The following SIPA1L1 variants were observed in gnomAD, a reference collection of about 807,000 sequenced individuals.
SIPA1L1 encodes signal induced proliferation associated 1 like 1.
A neutral mutation model predicts 162.7 loss-of-function variants in SIPA1L1; 26 were observed. The ratio of observed to expected loss-of-function variants is 0.16; its 90% CI spans 0.12 to 0.22. The LOEUF (loss-of-function observed/expected upper bound fraction) is 0.22. Among genes scored for constraint, SIPA1L1 ranks in the 10% least tolerant of loss-of-function variants. SIPA1L1 has a pLI of 1.00. For missense variants in SIPA1L1, 1,874 were observed against 2,241.0 expected (o/e 0.84, Z 3.31); for synonymous variants, 829 against 837.4 (o/e 0.99, Z 0.17).
At chr14:71,329,935 A>G (rs1363413020) in intron 2 of SIPA1L1, among the ~76,000 whole-genome samples, 1 of 152,186 alleles carries the variant, frequency 6.6e-6, no homozygotes, top group African/African-American at 2.4e-5. Context: ...GAGTCTCCAA[A>G]GTGTATGCAA....
At chr14:71,582,505 T>C (rs943182309) in intron 4 of SIPA1L1, among the ~76,000 whole-genome samples, 2 of 152,198 alleles carry the variant, frequency 1.3e-5, no homozygotes, top group African/African-American at 4.8e-5. Flanking sequence ...CTTTCTTCAC[T>C]GAACTTTTTT....
intron 2 of SIPA1L1, among the ~76,000 whole-genome samples, chr14:71,420,826 G>A (rs764600793): frequency 6.6e-6 from 1 of 152,000 alleles, no homozygotes; most frequent in African/African-American, 2.4e-5. Flanking sequence ...TAAAAAAATA[G>A]CAGCAATGTC....
At chr14:71,638,399 T>C (rs1596561407) in intron 7 of SIPA1L1, among the ~76,000 whole-genome samples, 1 of 152,274 alleles carries the variant, frequency 6.6e-6, no homozygotes, top group African/African-American at 2.4e-5. Context: ...AAAAATCAAT[T>C]AATGTAGCCC....
intron 20 of SIPA1L1, 37 bp from the exon 21 acceptor site, chr14:71,733,629 G>A (rs745749243): frequency 1.0e-5 from 16 of 1,604,412 alleles, no homozygotes; most frequent in Middle Eastern, 3.3e-4. Flanking sequence ...TCTTCCACAG[G>A]CACAAGAAGC....
At chr14:71,629,061 C>T (rs532159912) in intron 7 of SIPA1L1, among the ~76,000 whole-genome samples, 1 of 152,130 alleles carries the variant, frequency 6.6e-6, no homozygotes, top group Admixed American at 6.5e-5. Flanking sequence ...CCTCAGCCTC[C>T]CAAGTAGCTG....
intron 5 of SIPA1L1, among the ~76,000 whole-genome samples, chr14:71,594,627 G>C (rs573265379): frequency 2.0e-5 from 3 of 152,102 alleles, no homozygotes; most frequent in African/African-American, 7.2e-5. Flanking sequence ...TGTGTTCTAC[G>C]CTGTTGAATT....
chr14:71,485,942 C>T (rs1009699437), intron 2 of SIPA1L1, among the ~76,000 whole-genome samples: 2 of 152,154 alleles, frequency 1.3e-5, no homozygotes, highest in Non-Finnish European at 2.9e-5. Flanking sequence ...TGCCTATACA[C>T]CCTCTCTCCA....
At chr14:71,476,087 C>A (rs763856108) in intron 2 of SIPA1L1, among the ~76,000 whole-genome samples, 58 of 152,188 alleles carry the variant, frequency 3.8e-4, no homozygotes, top group Non-Finnish European at 7.6e-4. Flanking sequence ...TGACACAGTG[C>A]AGATGCTCCT....
At chr14:71,737,395 G>GT (rs2085398935) in intron 22 of SIPA1L1, among the ~76,000 whole-genome samples, 1 of 152,166 alleles carries the variant, frequency 6.6e-6, no homozygotes, top group South Asian at 2.1e-4. Flanking sequence ...GTTCTCTGTG[G>GT]TGTGCCCCTG....
chr14:71,591,554 A>G (rs1215339782), intron 5 of SIPA1L1, among the ~76,000 whole-genome samples: 2 of 152,204 alleles, frequency 1.3e-5, no homozygotes, highest in Non-Finnish European at 1.5e-5. Context: ...AACTTGAAGC[A>G]TGGAAAATAC....
chr14:71,739,038 C>T lies in SIPA1L1; in HGVS notation c.5229C>T (p.His1743=). 6.2e-7 allele frequency: 1 copy of T among 1,613,702 alleles called. No individual in the cohort carries two copies. Among genetic ancestry groups the T allele is most frequent in the Non-Finnish European group, 8.5e-7 (1 of 1,179,760 alleles). The change falls in exon 24 of 24, where the codon CAC becomes CAT. Residue 1743 remains histidine, a synonymous_variant. Transcript: ENST00000381232. ...CCCAGGAAAAAGAAGACAAAGCTCA[C>T]CTTCAGGCGGAGGTGCAGCACCTGC... ...DLKKEKEDKA[H]LQAEVQHLRE...
chr14:71,339,738 G>A (rs1415163642), intron 2 of SIPA1L1, among the ~76,000 whole-genome samples: 2 of 152,188 alleles, frequency 1.3e-5, no homozygotes, highest in African/African-American at 4.8e-5. Context: ...TTCATGGCAG[G>A]TTCTGGCTTT....
At chr14:71,457,617 G>A (rs1222377366) in intron 2 of SIPA1L1, among the ~76,000 whole-genome samples, 1 of 144,992 alleles carries the variant, frequency 6.9e-6, no homozygotes, top group Non-Finnish European at 1.5e-5. Context: ...TTTTTAGACG[G>A]AATTTCGCTT....
At chr14:71,553,766 T>G (rs2056091344) in intron 4 of SIPA1L1, among the ~76,000 whole-genome samples, 1 of 152,244 alleles carries the variant, frequency 6.6e-6, no homozygotes, top group Non-Finnish European at 1.5e-5. Context: ...TACAATTCTT[T>G]TTTTTTCATA....
At chr14:71,534,419 G>GT (rs1330009146) in intron 4 of SIPA1L1, among the ~76,000 whole-genome samples, 2 of 152,264 alleles carry the variant, frequency 1.3e-5, no homozygotes, top group Non-Finnish European at 2.9e-5. Flanking sequence ...GTGCAGTGCT[G>GT]TAAGACCTCA....
At chr14:71,597,134 T>C (rs1001354119) in intron 5 of SIPA1L1, among the ~76,000 whole-genome samples, 1 of 151,996 alleles carries the variant, frequency 6.6e-6, no homozygotes, top group African/African-American at 2.4e-5. Context: ...CACGCCTGGC[T>C]AATTTTTTTA....
intron 2 of SIPA1L1, among the ~76,000 whole-genome samples, chr14:71,376,772 CG>C (rs1041672336): frequency 3.9e-5 from 6 of 152,194 alleles, no homozygotes; most frequent in Middle Eastern, 3.4e-3. Context: ...TGACTCTTAA[CG>C]AGCATGCTGC....
intron 2 of SIPA1L1, chr14:71,416,083 C>T (rs1422171490): frequency 6.6e-6 from 1 of 152,072 alleles, no homozygotes; most frequent in African/African-American, 2.4e-5. Flanking sequence ...CTGTATACTA[C>T]CGTGAGGCCA....
At position 71,723,500 on chromosome 14, in the gene SIPA1L1, C is replaced by T. The variant is rs1298892896; in HGVS notation, c.4209-147C>T. Reference sequence around the variant, plus strand: ...AGACATTTAAATTATGATGAGAAAGCCAGGAAGGCCAGCCAGGCATCGCTG... The same window carrying T: ...AGACATTTAAATTATGATGAGAAAGTCAGGAAGGCCAGCCAGGCATCGCTG... On this transcript the variant is annotated intron_variant, in intron 17 of 23. Transcript: ENST00000381232. 5 of 813,690 alleles carry T rather than the reference C, an allele frequency of 6.1e-6. No individual in the cohort carries two copies. In the African/African-American group the frequency reaches 8.6e-5, roughly 14 times the overall value. 50.4% of individuals were successfully genotyped at this position (813,690 alleles called of 1,614,324 possible).
Sources: gnomAD v4.1 joint callset for allele counts (sites outside exome capture counted in the v4.1 genomes callset) on GRCh38, gnomAD v4.1.1 for gene constraint, MANE v1.5 for transcripts, NCBI Gene and HGNC (gene_info 2026-07-23, HGNC 2026-07-21) for gene names.